The following MGAT4C variants were observed in gnomAD, a reference collection of about 807,000 sequenced individuals.
MGAT4C encodes the protein alpha-1,3-mannosyl-glycoprotein 4-beta-N-acetylglucosaminyltransferase C.
A neutral mutation model predicts 40.1 loss-of-function variants in MGAT4C; 19 were observed. That is an observed-to-expected ratio of 0.47 (90% CI 0.33 to 0.70). The LOEUF is 0.70. MGAT4C is among the 30% of genes least tolerant of loss of function. The pLI is 0.02. For missense variants in MGAT4C, 491 were observed against 563.2 expected (o/e 0.87, Z 1.30); for synonymous variants, 181 against 187.1 (o/e 0.97, Z 0.27).
intron 2 of MGAT4C, among the ~76,000 whole-genome samples, chr12:86,701,095 A>C (rs1377859645): frequency 6.6e-6 from 1 of 152,196 alleles, no homozygotes; most frequent in Non-Finnish European, 1.5e-5. Flanking sequence ...CATGTCTGCT[A>C]TCCATTTTGA....
intron 1 of MGAT4C, among the ~76,000 whole-genome samples, chr12:86,246,624 C>T (rs776463046): frequency 2.0e-5 from 3 of 152,060 alleles, no homozygotes; most frequent in East Asian, 3.9e-4. Context: ...ATTATAAATA[C>T]GTTTTGTACA....
chr12:86,540,646 G>T (rs1345185735), intron 2 of MGAT4C, among the ~76,000 whole-genome samples: 1 of 152,128 alleles, frequency 6.6e-6, no homozygotes, highest in East Asian at 1.9e-4. Flanking sequence ...TGAGGCAGAA[G>T]AATCTCTTGA....
intron 1 of MGAT4C, among the ~76,000 whole-genome samples, chr12:86,754,613 T>C (rs905640277): frequency 2.6e-5 from 4 of 152,046 alleles, no homozygotes; most frequent in Non-Finnish European, 5.9e-5. Context: ...TCCCTGAAAA[T>C]AGTCTATTTA....
chr12:86,813,252 A>T (rs958045077), intron 1 of MGAT4C, among the ~76,000 whole-genome samples: 4 of 150,926 alleles, frequency 2.7e-5, no homozygotes, highest in African/African-American at 9.7e-5. Context: ...TAGAGCTATC[A>T]ATTTTATCAT....
intron 1 of MGAT4C, among the ~76,000 whole-genome samples, chr12:86,796,691 C>T (rs1206688432): frequency 2.0e-5 from 3 of 151,726 alleles, no homozygotes; most frequent in Non-Finnish European, 4.4e-5. Flanking sequence ...GTTGTCAGCA[C>T]AAAAATGGTA....
intron 1 of MGAT4C, among the ~76,000 whole-genome samples, chr12:86,772,734 C>G (rs117173149): frequency 0.023 from 3,435 of 152,252 alleles, 53 homozygotes; most frequent in Non-Finnish European, 0.033. Context: ...TTTGGACTTG[C>G]TTGGAATGCA....
chr12:86,453,379 A>G (rs752674122), intron 2 of MGAT4C, among the ~76,000 whole-genome samples: 18 of 152,182 alleles, frequency 1.2e-4, no homozygotes, highest in Non-Finnish European at 1.5e-5. Context: ...AATATTGTTT[A>G]TTAAGTTGTT....
chr12:86,423,761 T>G lies in MGAT4C; in HGVS notation c.-120+11396A>C, dbSNP rs541455699. Among the ~76,000 whole-genome samples, 632 of 152,338 alleles carry G rather than the reference T, an allele frequency of 4.1e-3. 3 individuals are homozygous for G. Among genetic ancestry groups the G allele is most frequent in the African/African-American group, 0.015 (610 of 41,576 alleles). ...ATTACATTATTATCCATTCATAATG[T>G]CTTGCCTGTAATGAACTATTAGCGT... On this transcript the variant is annotated intron_variant, in intron 3 of 7. Coordinates refer to the MGAT4C transcript ENST00000548651.
At chr12:86,649,664 C>G (rs1012904910) in intron 2 of MGAT4C, among the ~76,000 whole-genome samples, 13 of 151,580 alleles carry the variant, frequency 8.6e-5, no homozygotes, top group Non-Finnish European at 1.9e-4. Context: ...GGCCAAGAGC[C>G]AGATTGAAGG....
chr12:86,566,861 G>A (rs183489549), intron 2 of MGAT4C, among the ~76,000 whole-genome samples: 255 of 150,800 alleles, frequency 1.7e-3, no homozygotes, highest in African/African-American at 5.8e-3. Flanking sequence ...TACCATCCAT[G>A]GAATCACAGA....
At chr12:86,569,781 T>G (rs1289495400) in intron 2 of MGAT4C, among the ~76,000 whole-genome samples, 3 of 151,964 alleles carry the variant, frequency 2.0e-5, no homozygotes, top group Non-Finnish European at 4.4e-5. Flanking sequence ...AAATAGAAAA[T>G]TAACTTACAT....
At position 85,983,692 on chromosome 12, in the gene MGAT4C, A is replaced by G. The variant is rs757848806; in HGVS notation, c.148-22T>C. On this transcript the variant is annotated intron_variant, in intron 3 of 4. Coordinates refer to ENST00000611864, the MANE Select transcript of MGAT4C (RefSeq NM_001351288.2). ...CTTCCTAAATACCAAGAAAGAAGCA[A>G]GGAAAATATATAAATAATAGATGGT... is the stretch of plus-strand genomic sequence containing the variant. 3 of 1,518,184 alleles carry G rather than the reference A, an allele frequency of 2.0e-6. No homozygotes were observed. In the East Asian group the frequency reaches 7.0e-5, roughly 36 times the overall value. 94.0% of individuals were successfully genotyped at this position (1,518,184 alleles called of 1,614,324 possible).
chr12:86,566,077 G>C (rs1020506346), intron 2 of MGAT4C, among the ~76,000 whole-genome samples: 1 of 152,098 alleles, frequency 6.6e-6, no homozygotes, highest in Admixed American at 6.6e-5. Flanking sequence ...CTTCTATCAC[G>C]GAAAGGGCAG....
At chr12:86,126,028 A>G (rs1017238800) in intron 1 of MGAT4C, among the ~76,000 whole-genome samples, 5 of 152,030 alleles carry the variant, frequency 3.3e-5, no homozygotes, top group African/African-American at 1.2e-4. Flanking sequence ...TCTACTAGTT[A>G]TTAGTATACA....
intron 2 of MGAT4C, among the ~76,000 whole-genome samples, chr12:86,647,180 G>A (rs1361330743): frequency 6.6e-6 from 1 of 151,880 alleles, no homozygotes; most frequent in Non-Finnish European, 1.5e-5. Flanking sequence ...TATCCCACAT[G>A]AGAGCAGAGA....
intron 3 of MGAT4C, among the ~76,000 whole-genome samples, chr12:86,345,227 A>AT (rs1361621698): frequency 6.6e-6 from 1 of 151,542 alleles, no homozygotes; most frequent in Non-Finnish European, 1.5e-5. Context: ...TTGTTTGCTT[A>AT]TTTTTTATGC....
chr12:86,436,874 T>C (rs1957147266), intron 2 of MGAT4C, among the ~76,000 whole-genome samples: 1 of 151,780 alleles, frequency 6.6e-6, no homozygotes, highest in African/African-American at 2.4e-5. Context: ...AAGACAATTA[T>C]ATATGATGTT....
chr12:86,625,935 G>A (rs986191183), intron 2 of MGAT4C, among the ~76,000 whole-genome samples: 2 of 152,080 alleles, frequency 1.3e-5, no homozygotes, highest in Middle Eastern at 3.4e-3. Flanking sequence ...TCAATTAAGA[G>A]GCAGAGAATG....
chr12:86,684,226 CCT>C (rs1950032244), intron 2 of MGAT4C, among the ~76,000 whole-genome samples: 1 of 152,112 alleles, frequency 6.6e-6, no homozygotes, highest in Non-Finnish European at 1.5e-5. Flanking sequence ...TGTTCCCCTC[CCT>C]GTGTCCATGT....
Sources: gnomAD v4.1 joint callset for allele counts (sites outside exome capture counted in the v4.1 genomes callset) on GRCh38, gnomAD v4.1.1 for gene constraint, MANE v1.5 for transcripts, NCBI Gene and HGNC (gene_info 2026-07-23, HGNC 2026-07-21) for gene names.